Variants in PLEKHG1 observed in about 807,000 individuals in gnomAD.
PLEKHG1 encodes pleckstrin homology and RhoGEF domain containing G1.
In PLEKHG1, 44 loss-of-function variants were observed where a neutral mutation model predicts 100.8. That is an observed-to-expected ratio of 0.44 (90% confidence interval 0.34 to 0.56). PLEKHG1 has a LOEUF of 0.56. Ranked by LOEUF, PLEKHG1 falls within the 20% of genes least tolerant of loss-of-function variation. PLEKHG1 has a pLI of 0.01. For missense variants in PLEKHG1, 1,545 were observed against 1,720.9 expected, an observed-to-expected ratio of 0.90 and a Z score of 1.81; for synonymous variants, 640 against 662.5, an observed-to-expected ratio of 0.97 and a Z score of 0.52.
intron 3 of PLEKHG1, among the ~76,000 whole-genome samples, chr6:150,703,666 A>AAT (rs1554261747): frequency 2.0e-4 from 31 of 152,038 alleles, no homozygotes; most frequent in African/African-American, 7.3e-4. Flanking sequence ...ATTAAAAAAA[A>AAT]TCAGTCTAGA....
chr6:150,764,030 G>A (rs534593311), intron 2 of PLEKHG1, among the ~76,000 whole-genome samples: 1 of 152,068 alleles, frequency 6.6e-6, no homozygotes, highest in South Asian at 2.1e-4. Context: ...TCAGGGTTAG[G>A]AGTTGGTCTG....
intron 10 of PLEKHG1, among the ~76,000 whole-genome samples, chr6:150,811,537 G>A (rs1375760829): frequency 6.6e-6 from 1 of 151,852 alleles, no homozygotes; most frequent in Non-Finnish European, 1.5e-5. Context: ...TTTCCAAAGT[G>A]TTGGGATGAC....
At chr6:150,762,072 C>G (rs914382392) in intron 2 of PLEKHG1, among the ~76,000 whole-genome samples, 4 of 152,138 alleles carry the variant, frequency 2.6e-5, no homozygotes, top group African/African-American at 9.7e-5. Context: ...TGAAACCACC[C>G]GATATTTTAT....
intron 3 of PLEKHG1, among the ~76,000 whole-genome samples, chr6:150,781,888 C>A (rs1785333705): frequency 6.6e-6 from 1 of 151,622 alleles, no homozygotes; most frequent in Non-Finnish European, 1.5e-5. Flanking sequence ...TCTCCTGCCT[C>A]AGCCTCCCAA....
chr6:150,806,063 T>C (rs1787072412), intron 7 of PLEKHG1, among the ~76,000 whole-genome samples: 1 of 152,076 alleles, frequency 6.6e-6, no homozygotes. Flanking sequence ...GACTCCACAC[T>C]ATACAGAGTG....
At chr6:150,631,770 A>G (rs535812154) in intron 1 of PLEKHG1, among the ~76,000 whole-genome samples, 5 of 152,238 alleles carry the variant, frequency 3.3e-5, no homozygotes, top group African/African-American at 1.2e-4. Context: ...GTTCCCAAGG[A>G]GGGGAACAGA....
At chr6:150,840,184 T>C in exon 16 of PLEKHG1, 1 of 1,614,216 alleles carries the variant, frequency 6.2e-7, no homozygotes, top group Non-Finnish European at 8.5e-7. Flanking sequence ...AGCGTGGTAG[T>C]AAGTCAGCCC....
intron 3 of PLEKHG1, chr6:150,662,996 G>A (rs1779254052): frequency 6.6e-6 from 1 of 152,150 alleles, no homozygotes; most frequent in South Asian, 2.1e-4. Context: ...TCACTTTAGA[G>A]TACACAAGAA....
rs753887487 is a variant in PLEKHG1, at chr6:150,804,744, G to A, written c.912+3G>A. On this transcript the variant is annotated splice_donor_region_variant and intron_variant, in intron 7 of 15. Transcript: ENST00000358517. ...ACGAGCACGCGGTCCGGTTACAGGTGAGCCCGCGAGGTGTCGGTGCCCGGC... is the reference window on the plus strand; with the variant it reads ...ACGAGCACGCGGTCCGGTTACAGGTAAGCCCGCGAGGTGTCGGTGCCCGGC... 1.9e-6 allele frequency: 3 copies of A among 1,611,418 alleles called. No individual in the cohort carries two copies. The highest frequency in any genetic ancestry group is 2.2e-5 in the South Asian group (2 of 90,418).
intron 1 of PLEKHG1, among the ~76,000 whole-genome samples, chr6:150,611,539 AG>A (rs1374233000): frequency 6.6e-6 from 1 of 152,108 alleles, no homozygotes; most frequent in Admixed American, 6.5e-5. Context: ...TGGCCGGGCG[AG>A]GTGGCTCACG....
rs751134666 is a variant in PLEKHG1, at chr6:150,839,799, G to T, written c.3095-34G>T. 6 of 1,204,992 alleles carry T rather than the reference G, an allele frequency of 5.0e-6. No individual in the cohort carries two copies. The South Asian group carries it at 7.7e-5, about 15-fold the overall frequency. The allele number at this position is 1,204,992 out of a possible 1,614,324, so 74.6% of individuals were successfully genotyped here. The stretch of plus-strand genomic sequence containing the variant: ...AATCTTCACGTATAGGAATTATCCT[G>T]TGTGTATTTACTGTTTCAATATTTG... On this transcript the variant is annotated intron_variant, in intron 15 of 15. Coordinates refer to ENST00000358517, the Ensembl canonical transcript of PLEKHG1.
In PLEKHG1 at chr6:150,808,138, T is replaced by C. The variant is rs111521558; in HGVS notation, c.913-967T>C. 1.8e-3 allele frequency among the ~76,000 whole-genome samples: 267 copies of C among 152,266 alleles called. 1 individual carries two copies. Among genetic ancestry groups the C allele is most frequent in the African/African-American group, 6.2e-3 (258 of 41,532 alleles). On this transcript the variant is annotated intron_variant, in intron 7 of 15. Coordinates refer to ENST00000358517, the Ensembl canonical transcript of PLEKHG1. Reference sequence around the variant, plus strand: ...GGAGGCCCATTTACCCTGATGTGTTTATTATGCATTGTATGCCTGTCAAAA... The same window carrying C: ...GGAGGCCCATTTACCCTGATGTGTTCATTATGCATTGTATGCCTGTCAAAA...
rs1780017965 is a variant in PLEKHG1, at chr6:150,683,873, T to G, written c.-99+33087T>G. The G allele has an allele frequency of 2.4e-6, 3 of 1,234,886 alleles. No homozygotes were observed. The highest frequency in any genetic ancestry group is 3.2e-6 in the Non-Finnish European group (3 of 945,498). 76.5% of individuals were successfully genotyped at this position (1,234,886 alleles called of 1,614,324 possible). On this transcript the variant is annotated intron_variant, in intron 3 of 3. Coordinates refer to the PLEKHG1 transcript ENST00000367326. The surrounding 1 kb of genome is among the most constrained non-coding windows in gnomAD (Gnocchi z 4.0). ...GAAATATGGGAATATTGAAGGGGCC[T>G]GGGATGGAGGTAAGATGGAGCGATC... is the stretch of plus-strand genomic sequence containing the variant.
chr6:150,735,058 C>T (rs1782492464), intron 2 of PLEKHG1, among the ~76,000 whole-genome samples: 1 of 134,472 alleles, frequency 7.4e-6, no homozygotes, highest in Non-Finnish European at 1.5e-5. Context: ...GCGATCTTGG[C>T]TTACCACAAC....
At chr6:150,723,560 CATG>C (rs1781806040) in intron 1 of PLEKHG1, among the ~76,000 whole-genome samples, 1 of 152,140 alleles carries the variant, frequency 6.6e-6, no homozygotes, top group Non-Finnish European at 1.5e-5. Context: ...CAACTTTGAG[CATG>C]ATGTTATATA....
At chr6:150,772,625 T>G (rs1434080082) in intron 3 of PLEKHG1, among the ~76,000 whole-genome samples, 1 of 152,186 alleles carries the variant, frequency 6.6e-6, no homozygotes, top group Non-Finnish European at 1.5e-5. Context: ...TCTCAAAAAA[T>G]AAGTCATATG....
chr6:150,784,857 A>G, intron 3 of PLEKHG1, among the ~76,000 whole-genome samples: 1 of 152,216 alleles, frequency 6.6e-6, no homozygotes, highest in East Asian at 1.9e-4. Context: ...CTAACAGGGC[A>G]TAATACTTAC....
intron 3 of PLEKHG1, among the ~76,000 whole-genome samples, 167 bp from the exon 5 acceptor site, chr6:150,786,223 G>C (rs1053974395): frequency 2.0e-5 from 3 of 152,156 alleles, no homozygotes; most frequent in African/African-American, 7.2e-5. Context: ...ATGACCTTGG[G>C]CAAGTCCCTT....
intron 1 of PLEKHG1, among the ~76,000 whole-genome samples, chr6:150,614,812 C>G (rs1221041938): frequency 1.3e-5 from 2 of 152,220 alleles, no homozygotes; most frequent in African/African-American, 4.8e-5. Flanking sequence ...CACCACCCTT[C>G]TGAGAGTTTT....
Sources: allele counts gnomAD v4.1 joint callset (sites outside exome capture counted in the v4.1 genomes callset), GRCh38; gene constraint gnomAD v4.1.1; non-coding constraint Gnocchi (gnomAD v3.1); transcripts MANE v1.5; gene names NCBI Gene and HGNC (gene_info 2026-07-23, HGNC 2026-07-21).